KRT82: variants seen among roughly 807,000 people sequenced by gnomAD.
KRT82 encodes keratin, type II cuticular Hb2.
KRT82 carries 44 observed loss-of-function variants against 48.0 expected under a neutral mutation model. That is an observed-to-expected ratio of 0.92 (90% CI 0.72 to 1.18). KRT82 has a LOEUF of 1.18. Among genes scored for constraint, KRT82 ranks in the 50% most tolerant of loss-of-function variants. The pLI is 0.00. For missense variants in KRT82, 701 were observed against 671.4 expected (o/e 1.04, Z -0.49); for synonymous variants, 297 against 278.3 (o/e 1.07, Z -0.67).
intron 1 of KRT82, among the ~76,000 whole-genome samples, chr12:52,404,686 A>G (rs1370754397): frequency 6.6e-6 from 1 of 152,216 alleles, no homozygotes; most frequent in Non-Finnish European, 1.5e-5. Flanking sequence ...CATCAACAGG[A>G]GGCTCCCAGC....
Position 52,394,846 on chromosome 12 carries a change from A to C in KRT82, c.*129T>G. ...GCAGCTCAGCTCTCAAGGAGGGAACACTGGAGGGGAATGTGGAGTCAATAA... is the reference window on the plus strand; with the variant it reads ...GCAGCTCAGCTCTCAAGGAGGGAACCCTGGAGGGGAATGTGGAGTCAATAA... On this transcript the variant is annotated 3_prime_UTR_variant, in exon 9 of 9. Transcript: ENST00000257974. The C allele has an allele frequency of 2.5e-6, 2 of 788,236 alleles. No individual in the cohort carries two copies. Among genetic ancestry groups the C allele is most frequent in the Non-Finnish European group, 4.2e-6 (2 of 473,420 alleles). The allele number at this position is 788,236 out of a possible 1,614,324, so 48.8% of individuals were successfully genotyped here.
rs1172762574 is a variant in KRT82 at position 52,400,515 on chromosome 12, G to A, written c.777+12C>T. 4 of 1,607,240 alleles carry A rather than the reference G, an allele frequency of 2.5e-6. No homozygotes were observed. In the South Asian group the frequency reaches 3.3e-5, roughly 13 times the overall value. ...GCCCTGACTAACCACCCAAGGTCAG[G>A]GCTGTGGGTACCTCCTCATACAGGC... is the stretch of plus-strand genomic sequence containing the variant. On this transcript the variant is annotated intron_variant, in intron 4 of 8. Transcript: ENST00000257974.
intron 2 of KRT82, among the ~76,000 whole-genome samples, chr12:52,401,749 C>T (rs1019867291): frequency 6.6e-6 from 1 of 152,118 alleles, no homozygotes; most frequent in Non-Finnish European, 1.5e-5. Flanking sequence ...GTGCATCCTC[C>T]TCGCTGGGAG....
rs1939724109 is a variant in KRT82, at chr12:52,396,936, T to C, written c.1015A>G (p.Met339Val). The stretch of plus-strand genomic sequence containing the variant: ...TGCAGCCGCTGGATCAGTTTATTCA[T>C]TTCCAGGATCTCGTTCTTACGGTTG... ...LRNRKNEILE[M>V]NKLIQRLQQE... The change falls in exon 6 of 9, where the codon ATG (methionine) becomes GTG (valine). Residue 339 changes from methionine (M) to valine (V), a missense_variant. Physicochemically the swap from Met to Val is conservative, Grantham distance 21. Coordinates refer to ENST00000257974, the MANE Select transcript of KRT82 (RefSeq NM_033033.4). 1.9e-6 allele frequency: 3 copies of C among 1,614,144 alleles called. No homozygotes were observed. The East Asian group carries it at 6.7e-5, about 36-fold the overall frequency.
chr12:52,401,440 G>A, intron 2 of KRT82, 91 bp from the exon 3 acceptor site: 2 of 1,256,724 alleles, frequency 1.6e-6, no homozygotes, highest in Non-Finnish European at 1.2e-6. Flanking sequence ...AACTCTGCCT[G>A]TCACTGACTG....
At chr12:52,397,049 T>C (rs1489891922) in intron 5 of KRT82, 41 bp from the exon 6 acceptor site, 6 of 1,607,612 alleles carry the variant, frequency 3.7e-6, no homozygotes, top group African/African-American at 1.3e-5. Flanking sequence ...CCCCACAAGA[T>C]GGCATCTCCT....
At chr12:52,395,984 T>TCTTTGAC (rs1565780872) in intron 7 of KRT82, 28 bp downstream of exon 7, 1 of 1,613,460 alleles carries the variant, frequency 6.2e-7, no homozygotes, top group Admixed American at 1.7e-5. Context: ...TGGTAGCCCA[T>TCTTTGAC]CTTTGACCCC....
In KRT82 at chr12:52,396,246, G is replaced by A. The variant is rs149987547; in HGVS notation, c.1069-14C>T. On this transcript the variant is annotated splice_polypyrimidine_tract_variant and intron_variant, in intron 6 of 8. Coordinates refer to ENST00000257974, the MANE Select transcript of KRT82 (RefSeq NM_033033.4). ...AAGTTTGCAGCGCTGTGGGAGGGGC[G>A]CAGAAAAGCATCACTGGGGGCCCTG... The A allele has an allele frequency of 3.8e-5, 61 of 1,602,846 alleles. No individual in the cohort carries two copies. Among genetic ancestry groups the A allele is most frequent in the African/African-American group, 9.4e-5 (7 of 74,764 alleles).
At position 52,400,026 on chromosome 12, in the gene KRT82, T is replaced by C. The variant is rs1939765441; in HGVS notation, c.901A>G (p.Ser301Gly). The change falls in exon 5 of 9, where the codon AGC becomes GGC. Residue 301 changes from serine to glycine, a missense_variant. Physicochemically the swap from Ser to Gly is moderately conservative, Grantham distance 56 (BLOSUM62 0). Transcript: ENST00000257974. Reference sequence around the variant, plus strand: ...GCCTCTGCTTCGGCTTTGCTGCGGCTGGCGATGTCGTCATACTGCGCCTTG... The same window carrying C: ...GCCTCTGCTTCGGCTTTGCTGCGGCCGGCGATGTCGTCATACTGCGCCTTG... ...EIKAQYDDIASRSKAEAEAWY... is the reference protein window; with the variant it reads ...EIKAQYDDIAGRSKAEAEAWY... 1 of 1,614,088 alleles carries C rather than the reference T, an allele frequency of 6.2e-7. No individual in the cohort carries two copies. The highest frequency in any genetic ancestry group is 8.5e-7 in the Non-Finnish European group (1 of 1,180,016).
chr12:52,396,602 G>C (rs914372761), intron 6 of KRT82, among the ~76,000 whole-genome samples: 7 of 152,132 alleles, frequency 4.6e-5, no homozygotes, highest in Admixed American at 4.6e-4. Flanking sequence ...ACCGTGGAGT[G>C]CATCTTTTCT....
chr12:52,395,305 A>C, intron 8 of KRT82, 110 bp from the exon 9 acceptor site: 1 of 852,896 alleles, frequency 1.2e-6, no homozygotes, highest in Non-Finnish European at 1.8e-6. Context: ...ACTCACCTCT[A>C]CAGACACCCC....
chr12:52,403,711 A>G lies in KRT82; in HGVS notation c.610T>C (p.Tyr204His), dbSNP rs550406115. ...LCSLQAALEG[Y>H]KKKYEEELSL... ...GCAGCACTGACTCACTTTTTCTTGT[A>G]GCCCTCCAGTGCAGCCTGGAGGCTG... Residue 204 changes from tyrosine to histidine, a missense_variant, in exon 2 of 9, where the codon TAC becomes CAC. Transcript: ENST00000257974. 2 of 1,603,868 alleles carry G rather than the reference A, an allele frequency of 1.2e-6. No homozygotes were observed. Among genetic ancestry groups the G allele is most frequent in the Non-Finnish European group, 1.7e-6 (2 of 1,172,054 alleles).
In KRT82 at chr12:52,399,980, C is replaced by T; in HGVS notation, c.942+5G>A. 1 of 1,612,546 alleles carries T rather than the reference C, an allele frequency of 6.2e-7. No homozygotes were observed. The highest frequency in any genetic ancestry group is 1.3e-5 in the African/African-American group (1 of 75,060). On this transcript the variant is annotated splice_donor_5th_base_variant and intron_variant, in intron 5 of 8. Transcript: ENST00000257974. Reference sequence around the variant, plus strand: ...GTCTCCCTGCCCCCAACCACAGGGCCTCACCCGGCACTGGTACCAGGCCTC... The same window carrying T: ...GTCTCCCTGCCCCCAACCACAGGGCTTCACCCGGCACTGGTACCAGGCCTC...
At position 52,396,006 on chromosome 12, in the gene KRT82, G is replaced by T; in HGVS notation, c.1289+6C>A. ...CCATCTTTGACCCCCTCCTGGAGGA[G>T]CTCACCTGTGCTCTTCACCCTCCAG... is the stretch of plus-strand genomic sequence containing the variant. On this transcript the variant is annotated splice_donor_region_variant and intron_variant, in intron 7 of 8. Coordinates refer to ENST00000257974, the MANE Select transcript of KRT82 (RefSeq NM_033033.4). 6.2e-7 allele frequency: 1 copy of T among 1,613,890 alleles called. No individual in the cohort carries two copies. Among genetic ancestry groups the T allele is most frequent in the Admixed American group, 1.7e-5 (1 of 60,024 alleles).
At chr12:52,398,873 C>T (rs972789198) in intron 5 of KRT82, among the ~76,000 whole-genome samples, 4 of 151,982 alleles carry the variant, frequency 2.6e-5, no homozygotes, top group East Asian at 3.9e-4. Context: ...CCCTCCAGCC[C>T]GATCTCCACA....
rs765582984 is a variant in KRT82 at position 52,396,050 on chromosome 12, G to A, written c.1251C>T (p.Ile417=). ...CCTCCAGCAGGCGCCTGTAGGTGGC[G>A]ATCTCGATGTCCAGGCCCAGCTTGG... ...MNSKLGLDIE[I]ATYRRLLEGE... is the part of the protein sequence containing the mutation. Residue 417 remains isoleucine (I), a synonymous_variant, in exon 7 of 9, where the codon ATC becomes ATT. Coordinates refer to ENST00000257974, the MANE Select transcript of KRT82 (RefSeq NM_033033.4). 5.6e-5 allele frequency: 90 copies of A among 1,614,100 alleles called. No homozygotes were observed. The highest frequency in any genetic ancestry group is 4.4e-4 in the South Asian group (40 of 91,076).
intron 3 of KRT82, among the ~76,000 whole-genome samples, 168 bp downstream of exon 3, chr12:52,401,121 C>G (rs1369121212): frequency 1.3e-5 from 2 of 152,008 alleles, no homozygotes; most frequent in Non-Finnish European, 2.9e-5. Flanking sequence ...AGGAGGCCGG[C>G]CTTCCTCATT....
chr12:52,405,780 C>T (rs1939843812), intron 1 of KRT82, 87 bp downstream of exon 1: 8 of 1,383,312 alleles, frequency 5.8e-6, no homozygotes, highest in Non-Finnish European at 6.9e-6. Context: ...CAATGTCAGT[C>T]TCCTCCTGGT....
Position 52,400,607 on chromosome 12 carries a change from AG to A in KRT82, c.696del (p.Phe233SerfsTer2). 6.2e-7 allele frequency: 1 copy of A among 1,613,678 alleles called. No homozygotes were observed. Among genetic ancestry groups the A allele is most frequent in the African/African-American group, 1.3e-5 (1 of 75,024 alleles). On this transcript the variant is annotated frameshift_variant, in exon 4 of 9. Coordinates refer to ENST00000257974, the MANE Select transcript of KRT82 (RefSeq NM_033033.4). LOFTEE classifies it high-confidence loss of function. ...FVALKKDVDTAFLMKADLETN... is the reference protein window; with the variant it reads ...FVALKKDVDTXFLMKADLETN... ...GTCTCCAGGTCAGCCTTCATCAGGAAGGCTGTGTCCACGTCCTGCAGCAGAG... is the reference window on the plus strand; with the variant it reads ...GTCTCCAGGTCAGCCTTCATCAGGAAGCTGTGTCCACGTCCTGCAGCAGAG...
Sources: gnomAD v4.1 joint callset for allele counts (sites outside exome capture counted in the v4.1 genomes callset) on GRCh38, gnomAD v4.1.1 for gene constraint, MANE v1.5 for transcripts, NCBI Gene and HGNC (gene_info 2026-07-23, HGNC 2026-07-21) for gene names.